The following CACNA1B variants were observed in gnomAD, a reference collection of about 807,000 sequenced individuals.
CACNA1B encodes voltage-dependent N-type calcium channel subunit alpha-1B.
CACNA1B carries 70 observed loss-of-function variants against 247.2 expected under a neutral mutation model. That is an observed-to-expected ratio of 0.28 (90% CI 0.23 to 0.35). The LOEUF (loss-of-function observed/expected upper bound fraction) is 0.35, where lower values mean the gene tolerates loss of function less well. CACNA1B is among the 10% of genes least tolerant of loss of function. The pLI is 1.00. For synonymous variants in CACNA1B, 1,231 were observed against 1,294.4 expected (o/e 0.95, Z 1.05); for missense variants, 2,367 against 3,197.4 (o/e 0.74, Z 6.26).
chr9:138,114,413 C>T lies in CACNA1B; in HGVS notation c.5572C>T (p.Leu1858=), dbSNP rs760925712. ...EMTVGKVYAA[L]MIFDFYKQNK... is the part of the protein sequence containing the mutation. ...GACAGTGGGGAAGGTTTATGCAGCT[C>T]TGATGATATTCGACTTCTACAAGCA... The change falls in exon 41 of 47, where the codon CTG becomes TTG. Residue 1858 remains leucine, a synonymous_variant. Transcript: ENST00000371372. 2.5e-6 allele frequency: 4 copies of T among 1,593,398 alleles called. No homozygotes were observed. In the Admixed American group the frequency reaches 7.0e-5, roughly 28 times the overall value.
intron 20 of CACNA1B, among the ~76,000 whole-genome samples, chr9:138,032,183 G>GT (rs567608166): frequency 7.3e-4 from 111 of 151,878 alleles, no homozygotes; most frequent in African/African-American, 2.4e-3. Flanking sequence ...CCTCGTATAG[G>GT]TTTTTTTAGT....
chr9:138,024,897 G>T, intron 19 of CACNA1B, 58 bp from the exon 20 acceptor site: 2 of 1,247,214 alleles, frequency 1.6e-6, no homozygotes, highest in Non-Finnish European at 2.3e-6. Context: ...GCCTCCCGGT[G>T]CCGGGATCAC....
intron 20 of CACNA1B, among the ~76,000 whole-genome samples, chr9:138,041,927 T>G: frequency 6.6e-6 from 1 of 152,046 alleles, no homozygotes; most frequent in Admixed American, 6.6e-5. Context: ...AATTTTTTAA[T>G]TTTAAATTTT....
intron 31 of CACNA1B, among the ~76,000 whole-genome samples, chr9:138,064,297 T>C (rs1589106517): frequency 6.6e-6 from 1 of 152,258 alleles, no homozygotes; most frequent in Non-Finnish European, 1.5e-5. Flanking sequence ...ACGAGCCCGA[T>C]CTCCTTGGGG....
At chr9:137,911,607 C>T (rs551690789) in intron 3 of CACNA1B, among the ~76,000 whole-genome samples, 2 of 152,042 alleles carry the variant, frequency 1.3e-5, no homozygotes, top group African/African-American at 2.4e-5. Flanking sequence ...TTTGTAGAGA[C>T]GGGGTTTCAC....
intron 10 of CACNA1B, among the ~76,000 whole-genome samples, chr9:137,959,761 G>A (rs939102644): frequency 2.0e-5 from 3 of 152,160 alleles, no homozygotes; most frequent in African/African-American, 7.2e-5. Context: ...TCCAGTGCCC[G>A]CCACGTGCCA....
chr9:138,007,643 A>C lies in CACNA1B; in HGVS notation c.2092+759A>C, dbSNP rs1958669678. Among the ~76,000 whole-genome samples the C allele has an allele frequency of 1.3e-5, 2 of 152,136 alleles. No homozygotes were observed. Among genetic ancestry groups the C allele is most frequent in the Admixed American group, 1.3e-4 (2 of 15,272 alleles). On this transcript the variant is annotated intron_variant, in intron 16 of 46. Transcript: ENST00000371372. This position sits in a 1 kb window ranked among gnomAD's most constrained non-coding sequence, Gnocchi z 4.1. ...GATTCCAGCCCTAGCCCAGGGTGTC[A>C]GAGGCAGTGGGGCTGGGCTGGGGCC...
intron 12 of CACNA1B, among the ~76,000 whole-genome samples, chr9:137,978,057 C>G (rs1958244209): frequency 7.4e-6 from 1 of 134,868 alleles, no homozygotes; most frequent in African/African-American, 2.8e-5. Context: ...ACCCTCCCCC[C>G]CAGGAAGGAG....
chr9:138,107,653 T>C (rs1297542334), intron 39 of CACNA1B, among the ~76,000 whole-genome samples: 2 of 151,972 alleles, frequency 1.3e-5, no homozygotes, highest in Non-Finnish European at 2.9e-5. Flanking sequence ...GCCCCTTCTG[T>C]CTGCCTTCAA....
chr9:137,948,698 G>A (rs576894962), intron 6 of CACNA1B, among the ~76,000 whole-genome samples: 2 of 151,416 alleles, frequency 1.3e-5, no homozygotes, highest in South Asian at 4.2e-4. Context: ...GCATGTGTGT[G>A]TGTCTGGTGT....
chr9:138,045,208 G>T (rs1229407944), intron 21 of CACNA1B, among the ~76,000 whole-genome samples: 1 of 152,190 alleles, frequency 6.6e-6, no homozygotes, highest in Non-Finnish European at 1.5e-5. Context: ...ACACAAAAGG[G>T]TAGGCAGAGC....
chr9:137,937,188 G>C (rs1000714523), intron 6 of CACNA1B, among the ~76,000 whole-genome samples: 1 of 151,990 alleles, frequency 6.6e-6, no homozygotes, highest in African/African-American at 2.4e-5. Context: ...CCTTGAAGAG[G>C]TCCTTCACTT....
chr9:138,035,049 A>G (rs1381624753), intron 20 of CACNA1B, among the ~76,000 whole-genome samples: 2 of 152,252 alleles, frequency 1.3e-5, no homozygotes, highest in African/African-American at 4.8e-5. Context: ...ACAGCTAGCA[A>G]CTTAAAACTT....
At chr9:138,111,673 A>G (rs1961636445) in intron 39 of CACNA1B, among the ~76,000 whole-genome samples, 1 of 152,222 alleles carries the variant, frequency 6.6e-6, no homozygotes, top group South Asian at 2.1e-4. Context: ...AGAAAGGTGA[A>G]TCCAATTATT....
At position 137,955,562 on chromosome 9, in the gene CACNA1B, A is replaced by C; in HGVS notation, c.1071-136A>C. 2 of 635,604 alleles carry C rather than the reference A, an allele frequency of 3.1e-6. No homozygotes were observed. The highest frequency in any genetic ancestry group is 5.6e-6 in the Non-Finnish European group (2 of 355,748). The allele number at this position is 635,604 out of a possible 1,614,324, so 39.4% of individuals were successfully genotyped here. The stretch of plus-strand genomic sequence containing the variant: ...TCAGGTTAGAAGAGGCCTGGGTGGC[A>C]GGGGCCTGCCTGAAGCAGCAGCCTG... On this transcript the variant is annotated intron_variant, in intron 7 of 46. Transcript: ENST00000371372. This position sits in a 1 kb window ranked among gnomAD's most constrained non-coding sequence, Gnocchi z 6.9.
chr9:137,958,549 G>A (rs1327429835), intron 10 of CACNA1B, among the ~76,000 whole-genome samples: 5 of 152,316 alleles, frequency 3.3e-5, no homozygotes, highest in African/African-American at 9.6e-5. Flanking sequence ...GAGTTGTTCA[G>A]TTGCTCGTCT....
At position 138,050,122 on chromosome 9, in the gene CACNA1B, A is replaced by G. The variant is rs1350702254; in HGVS notation, c.3710+807A>G. ...CTCTCCCCCACACGCTGCCCCTGACATCACAGCATTCCAGCAGCCCCTCTT... is the reference window on the plus strand; with the variant it reads ...CTCTCCCCCACACGCTGCCCCTGACGTCACAGCATTCCAGCAGCCCCTCTT... On this transcript the variant is annotated intron_variant, in intron 24 of 46. Transcript: ENST00000371372. This position sits in a 1 kb window ranked among gnomAD's most constrained non-coding sequence, Gnocchi z 5.2. 4.7e-6 allele frequency: 6 copies of G among 1,282,016 alleles called. No homozygotes were observed. Among genetic ancestry groups the G allele is most frequent in the Admixed American group, 2.3e-5 (1 of 43,562 alleles). The allele number at this position is 1,282,016 out of a possible 1,614,324, so 79.4% of individuals were successfully genotyped here.
At chr9:138,036,461 G>A (rs1959047153) in intron 20 of CACNA1B, among the ~76,000 whole-genome samples, 1 of 152,138 alleles carries the variant, frequency 6.6e-6, no homozygotes, top group African/African-American at 2.4e-5. Context: ...CTTTTAGTGA[G>A]GTTTGATGGT....
chr9:137,886,247 C>T (rs1179577046), intron 3 of CACNA1B, among the ~76,000 whole-genome samples: 4 of 151,374 alleles, frequency 2.6e-5, no homozygotes, highest in Admixed American at 6.6e-5. Flanking sequence ...GACAGGGGTC[C>T]GGTTGTGTCT....
Sources: allele counts gnomAD v4.1 joint callset (sites outside exome capture counted in the v4.1 genomes callset), GRCh38; gene constraint gnomAD v4.1.1; non-coding constraint Gnocchi (gnomAD v3.1); transcripts MANE v1.5; gene names NCBI Gene and HGNC (gene_info 2026-07-23, HGNC 2026-07-21).